The following SLC16A7 variants were observed in gnomAD, a reference collection of about 807,000 sequenced individuals.
The protein encoded by SLC16A7 is monocarboxylate transporter 2.
SLC16A7 carries 33 observed loss-of-function variants against 34.9 expected under a neutral mutation model. The ratio of observed to expected loss-of-function variants is 0.94; its 90% CI spans 0.72 to 1.26. The LOEUF is 1.26. Among genes scored for constraint, SLC16A7 ranks in the 50% most tolerant of loss-of-function variants. SLC16A7 has a pLI of 0.00. For synonymous variants in SLC16A7, 201 were observed against 206.6 expected (o/e 0.97, Z 0.23); for missense variants, 573 against 578.1 (o/e 0.99, Z 0.09).
chr12:59,690,732 G>T (rs1411131408), intron 2 of SLC16A7, among the ~76,000 whole-genome samples: 2 of 151,898 alleles, frequency 1.3e-5, no homozygotes, highest in African/African-American at 2.4e-5. Flanking sequence ...CTTACAAAAA[G>T]GGTGACTTAA....
intron 3 of SLC16A7, among the ~76,000 whole-genome samples, chr12:59,744,687 C>T (rs887031167): frequency 1.3e-5 from 2 of 152,136 alleles, no homozygotes; most frequent in African/African-American, 2.4e-5. Flanking sequence ...ATACTTAAGC[C>T]GTCTGTGGAC....
At chr12:59,598,583 G>A (rs1411621869) in intron 1 of SLC16A7, among the ~76,000 whole-genome samples, 1 of 152,160 alleles carries the variant, frequency 6.6e-6, no homozygotes. Context: ...TCTGCTAAAA[G>A]GCAAATTTGA....
chr12:59,723,183 A>T (rs774301863), intron 3 of SLC16A7, among the ~76,000 whole-genome samples: 2 of 151,958 alleles, frequency 1.3e-5, no homozygotes, highest in East Asian at 1.9e-4. Context: ...CAAACTGATC[A>T]TTATAAAAAT....
intron 3 of SLC16A7, among the ~76,000 whole-genome samples, chr12:59,736,388 T>A (rs1592605278): frequency 6.6e-6 from 1 of 152,260 alleles, no homozygotes; most frequent in East Asian, 1.9e-4. Context: ...AAACAAAGTT[T>A]TTCTAAAACT....
intron 1 of SLC16A7, among the ~76,000 whole-genome samples, chr12:59,623,469 T>A (rs1180909221): frequency 6.6e-6 from 1 of 151,846 alleles, no homozygotes; most frequent in East Asian, 1.9e-4. Flanking sequence ...CTTATGTTTT[T>A]AAAAGTTATT....
At chr12:59,703,474 A>C (rs1357109324) in intron 2 of SLC16A7, among the ~76,000 whole-genome samples, 2 of 152,188 alleles carry the variant, frequency 1.3e-5, no homozygotes, top group Non-Finnish European at 2.9e-5. Context: ...ACAAGCAAAT[A>C]TATAAAAAAG....
intron 1 of SLC16A7, among the ~76,000 whole-genome samples, chr12:59,598,060 C>A (rs1878507803): frequency 6.6e-6 from 1 of 152,154 alleles, no homozygotes; most frequent in South Asian, 2.1e-4. Flanking sequence ...CCTAAATAAA[C>A]CTCCCTTGTC....
intron 1 of SLC16A7, among the ~76,000 whole-genome samples, chr12:59,646,735 C>T (rs1315910073): frequency 6.6e-6 from 1 of 152,170 alleles, no homozygotes; most frequent in Admixed American, 6.5e-5. Context: ...GCACTCAATT[C>T]CAGCCCATGA....
chr12:59,774,801 T>A lies in SLC16A7; in HGVS notation c.506T>A (p.Phe169Tyr), dbSNP rs1317865835. 1 of 1,613,944 alleles carries A rather than the reference T, an allele frequency of 6.2e-7. No homozygotes were observed. The highest frequency in any genetic ancestry group is 1.1e-5 in the South Asian group (1 of 91,076). Residue 169 changes from phenylalanine to tyrosine, a missense_variant, in exon 5 of 6, where the codon TTT (phenylalanine) becomes TAT (tyrosine). Physicochemically the swap from Phe to Tyr is conservative, Grantham distance 22. Coordinates refer to ENST00000547379, the MANE Select transcript of SLC16A7 (RefSeq NM_001270623.2). ...TTGGCTCCTTTCAATCAGTACCTTT[T>A]TAATACTTTTGGCTGGAAAGGAAGC... Reference protein sequence around the residue: ...SSLAPFNQYLFNTFGWKGSFL... With the variant: ...SSLAPFNQYLYNTFGWKGSFL...
intron 3 of SLC16A7, among the ~76,000 whole-genome samples, chr12:59,713,053 T>C (rs747632631): frequency 6.6e-6 from 1 of 152,082 alleles, no homozygotes; most frequent in Non-Finnish European, 1.5e-5. Flanking sequence ...GTAGTCTCGC[T>C]CTGTTGCCCA....
intron 1 of SLC16A7, among the ~76,000 whole-genome samples, chr12:59,644,850 G>C (rs756514274): frequency 6.6e-6 from 1 of 152,088 alleles, no homozygotes; most frequent in Admixed American, 6.6e-5. Flanking sequence ...CTGCAAACCT[G>C]CGAGGTTTAA....
At chr12:59,753,137 G>C (rs1465541234) in intron 3 of SLC16A7, among the ~76,000 whole-genome samples, 1 of 152,196 alleles carries the variant, frequency 6.6e-6, no homozygotes, top group African/African-American at 2.4e-5. Context: ...ACCAGTACCA[G>C]CCACTGCAAA....
chr12:59,747,044 C>A (rs1190124100), intron 3 of SLC16A7, among the ~76,000 whole-genome samples: 2 of 152,004 alleles, frequency 1.3e-5, no homozygotes, highest in East Asian at 3.9e-4. Flanking sequence ...ATTGCCTAGG[C>A]TAGTCTCTAA....
rs374181464 is a variant in SLC16A7 at position 59,723,301 on chromosome 12, G to T, written c.217+18283G>T. ...AGTTACTTACTTTCTTGGAACCCAA[G>T]TTCCTTCATTCATATTTTTCTCTTT... is the stretch of plus-strand genomic sequence containing the variant. On this transcript the variant is annotated intron_variant, in intron 3 of 5. Transcript: ENST00000547379. Among the ~76,000 whole-genome samples the T allele has an allele frequency of 3.6e-4, 55 of 152,020 alleles. 1 individual carries two copies. In the East Asian group the frequency reaches 7.9e-3, roughly 22 times the overall value.
intron 4 of SLC16A7, among the ~76,000 whole-genome samples, chr12:59,774,294 A>G (rs1049217507): frequency 6.6e-6 from 1 of 152,172 alleles, no homozygotes; most frequent in Non-Finnish European, 1.5e-5. Context: ...ATATATGTGT[A>G]TATAAGTATA....
chr12:59,730,479 AT>A (rs1876821109), intron 3 of SLC16A7, among the ~76,000 whole-genome samples: 1 of 152,038 alleles, frequency 6.6e-6, no homozygotes, highest in African/African-American at 2.4e-5. Flanking sequence ...GTATTAAGTT[AT>A]TGTTACATAG....
chr12:59,732,788 C>G (rs1877110516), intron 3 of SLC16A7, among the ~76,000 whole-genome samples: 1 of 152,188 alleles, frequency 6.6e-6, no homozygotes, highest in Non-Finnish European at 1.5e-5. Flanking sequence ...CTTTCTTGAG[C>G]TAGGTATAGC....
intron 3 of SLC16A7, among the ~76,000 whole-genome samples, chr12:59,739,926 T>G (rs1358014890): frequency 2.6e-5 from 4 of 152,176 alleles, no homozygotes; most frequent in Non-Finnish European, 5.9e-5. Context: ...TTGAGTTCAT[T>G]GTAGATTCTG....
At chr12:59,738,591 T>C (rs1266016112) in intron 3 of SLC16A7, among the ~76,000 whole-genome samples, 3 of 152,180 alleles carry the variant, frequency 2.0e-5, no homozygotes, top group Non-Finnish European at 4.4e-5. Context: ...TGCTGGCATT[T>C]CAACATTTTG....
Sources: allele counts gnomAD v4.1 joint callset (sites outside exome capture counted in the v4.1 genomes callset), GRCh38; gene constraint gnomAD v4.1.1; transcripts MANE v1.5; gene names NCBI Gene and HGNC (gene_info 2026-07-23, HGNC 2026-07-21).